The following STK3 variants were observed in gnomAD, a reference collection of about 807,000 sequenced individuals.
The protein encoded by STK3 is serine/threonine kinase 3.
In STK3, 41 loss-of-function variants were observed where a neutral mutation model predicts 58.0. The ratio of observed to expected loss-of-function variants is 0.71; its 90% CI spans 0.55 to 0.92. The LOEUF (loss-of-function observed/expected upper bound fraction) is 0.92, where lower values mean the gene tolerates loss of function less well. STK3 is among the 40% of genes least tolerant of loss of function. STK3 has a pLI of 0.00. For synonymous variants in STK3, 170 were observed against 191.0 expected (o/e 0.89, Z 0.91); for missense variants, 479 against 602.7 (o/e 0.79, Z 2.15).
intron 10 of STK3, among the ~76,000 whole-genome samples, chr8:98,523,372 GC>G (rs1825510104): frequency 6.8e-6 from 1 of 147,396 alleles, no homozygotes; most frequent in Non-Finnish European, 1.5e-5. Context: ...TAAGTCCTTT[GC>G]CCTTTTTTTT....
Position 98,832,253 on chromosome 8 carries a change from A to AT in STK3, c.110+51393_110+51394insA, listed in dbSNP as rs1257234998. On this transcript the variant is annotated intron_variant, in intron 3 of 12. Transcript: ENST00000523601. ...AGTGCCTCCTTTTCGTGAAAAAAAAAAAATATATATATATATATAGATATC... is the reference window on the plus strand; with the variant it reads ...AGTGCCTCCTTTTCGTGAAAAAAAAATAAATATATATATATATATAGATATC... 3.0e-3 allele frequency among the ~76,000 whole-genome samples: 395 copies of AT among 129,976 alleles called. 4 individuals are homozygous for AT. Among genetic ancestry groups the AT allele is most frequent in the African/African-American group, 9.7e-3 (353 of 36,314 alleles). 85.3% of individuals were successfully genotyped at this position (129,976 alleles called of 152,430 possible). A position where few individuals can be genotyped will look rare whatever the true frequency, so the allele number is the denominator to read the frequency against.
the STK3 span, among the ~76,000 whole-genome samples, chr8:98,365,138 C>T: frequency 6.6e-6 from 1 of 152,168 alleles, no homozygotes; most frequent in East Asian, 1.9e-4. Context: ...TGAATATTAC[C>T]ATACCGATGC....
chr8:98,773,389 T>C (rs1282774528), intron 2 of STK3, among the ~76,000 whole-genome samples: 1 of 152,222 alleles, frequency 6.6e-6, no homozygotes, highest in Admixed American at 6.5e-5. Flanking sequence ...TAAACTTTAA[T>C]GTATCTAATA....
intron 6 of STK3, among the ~76,000 whole-genome samples, chr8:98,678,706 C>T (rs1302887888): frequency 6.6e-6 from 1 of 152,034 alleles, no homozygotes; most frequent in Non-Finnish European, 1.5e-5. Flanking sequence ...TGGTTAAAAA[C>T]CAGTATGTAC....
intron 6 of STK3, among the ~76,000 whole-genome samples, chr8:98,615,142 G>C (rs921294909): frequency 6.6e-6 from 1 of 151,804 alleles, no homozygotes; most frequent in African/African-American, 2.4e-5. Flanking sequence ...TCCTCAAGTG[G>C]GTCCCTGACC....
chr8:98,717,366 C>T (rs369646755), intron 4 of STK3, among the ~76,000 whole-genome samples: 2 of 152,154 alleles, frequency 1.3e-5, no homozygotes, highest in African/African-American at 4.8e-5. Flanking sequence ...GTAAAGGACT[C>T]GTATGGACAT....
intron 4 of STK3, among the ~76,000 whole-genome samples, chr8:98,748,869 C>A (rs1431153284): frequency 6.6e-6 from 1 of 151,394 alleles, no homozygotes; most frequent in Non-Finnish European, 1.5e-5. Flanking sequence ...TATATAATTT[C>A]TTCAAATATT....
At chr8:98,396,084 G>A (rs1817895021) in intron 3 of STK3, among the ~76,000 whole-genome samples, 1 of 152,180 alleles carries the variant, frequency 6.6e-6, no homozygotes, top group African/African-American at 2.4e-5. Context: ...AATGCATGAT[G>A]GGAGAGTTGA....
chr8:98,529,359 CTA>C (rs1358686419), intron 9 of STK3, among the ~76,000 whole-genome samples: 1 of 152,032 alleles, frequency 6.6e-6, no homozygotes, highest in Non-Finnish European at 1.5e-5. Flanking sequence ...TTTTGGATCT[CTA>C]TGTGTGTTAT....
chr8:98,622,080 A>G (rs185859503), intron 6 of STK3, among the ~76,000 whole-genome samples: 4,387 of 149,344 alleles, frequency 0.029, 96 homozygotes, highest in South Asian at 0.06. Context: ...CTTGGCCAAC[A>G]TGGTAAAACC....
intron 1 of STK3, among the ~76,000 whole-genome samples, chr8:98,808,640 G>C (rs1834028836): frequency 6.6e-6 from 1 of 152,028 alleles, no homozygotes; most frequent in Admixed American, 6.6e-5. Context: ...AACAATTACT[G>C]TTATCCATTT....
chr8:98,494,550 G>A (rs1410399047), intron 10 of STK3, among the ~76,000 whole-genome samples: 1 of 150,510 alleles, frequency 6.6e-6, no homozygotes, highest in East Asian at 2.0e-4. Context: ...AGCACTTTGG[G>A]AGGCTAAGGT....
chr8:98,474,330 C>T (rs571649612), intron 10 of STK3, among the ~76,000 whole-genome samples: 13 of 152,300 alleles, frequency 8.5e-5, no homozygotes, highest in African/African-American at 1.9e-4. Context: ...TCATGTCCTG[C>T]CCCTAAGATA....
intron 6 of STK3, among the ~76,000 whole-genome samples, chr8:98,697,819 CT>C (rs1008074927): frequency 6.8e-4 from 104 of 152,266 alleles, no homozygotes; most frequent in African/African-American, 2.4e-3. Context: ...TGGTGCGGTG[CT>C]GAAAAGAATG....
chr8:98,505,432 T>C (rs80167416), intron 10 of STK3, among the ~76,000 whole-genome samples: 1 of 152,218 alleles, frequency 6.6e-6, no homozygotes, highest in Non-Finnish European at 1.5e-5. Flanking sequence ...TTTGTTCCAT[T>C]GCTGGTGAGG....
intron 6 of STK3, chr8:98,597,318 T>C (rs1465016995): frequency 1.0e-6 from 1 of 985,442 alleles, no homozygotes; most frequent in Non-Finnish European, 1.2e-6. Flanking sequence ...CTGTTGATTA[T>C]AGGTTAAGAG....
chr8:98,740,786 A>G (rs1829134477), intron 4 of STK3, among the ~76,000 whole-genome samples: 1 of 152,252 alleles, frequency 6.6e-6, no homozygotes, highest in Admixed American at 6.5e-5. Flanking sequence ...TCCAATTAAA[A>G]GATACAGACT....
At chr8:98,656,272 G>A (rs1238867587) in intron 6 of STK3, among the ~76,000 whole-genome samples, 1 of 152,002 alleles carries the variant, frequency 6.6e-6, no homozygotes, top group African/African-American at 2.4e-5. Flanking sequence ...ACTCATAGGT[G>A]GGAATTGAAC....
Position 98,464,540 on chromosome 8 carries a change from T to TAAA in STK3, c.1318-8543_1318-8541dup. Reference sequence around the variant, plus strand: ...AGGGATAACAGGTAGTACTTAAAGTTAAAAAAAAAAAAAAAAAAAAAAAAG... The same window carrying TAAA: ...AGGGATAACAGGTAGTACTTAAAGTTAAAAAAAAAAAAAAAAAAAAAAAAAAAG... On this transcript the variant is annotated intron_variant, in intron 10 of 10. Coordinates refer to ENST00000419617, the MANE Select transcript of STK3 (RefSeq NM_006281.4). 9.2e-3 allele frequency among the ~76,000 whole-genome samples: 633 copies of TAAA among 69,044 alleles called. 2 individuals are homozygous for TAAA. Among genetic ancestry groups the TAAA allele is most frequent in the African/African-American group, 0.015 (259 of 17,352 alleles). The allele number at this position is 69,044 out of a possible 152,430, so 45.3% of individuals were successfully genotyped here.
Sources: allele counts gnomAD v4.1 joint callset (sites outside exome capture counted in the v4.1 genomes callset), GRCh38; gene constraint gnomAD v4.1.1; transcripts MANE v1.5; gene names NCBI Gene and HGNC (gene_info 2026-07-23, HGNC 2026-07-21).